Variants in CC2D1B observed in about 807,000 individuals in gnomAD.
CC2D1B encodes the protein coiled-coil and C2 domain containing 1B, also known as coiled-coil and C2 domain-containing protein 1B.
In CC2D1B, 92 loss-of-function variants were observed where a neutral mutation model predicts 110.8. The observed-to-expected ratio is 0.83, with a 90% CI of 0.70 to 0.99. CC2D1B has a LOEUF of 0.99. Ranked by LOEUF, CC2D1B falls within the 50% of genes least tolerant of loss-of-function variation. The pLI is 0.00. For synonymous variants in CC2D1B, 406 were observed against 429.2 expected, an observed-to-expected ratio of 0.95 and a Z score of 0.67; for missense variants, 1,136 against 1,089.0, an observed-to-expected ratio of 1.04 and a Z score of -0.61.
At position 52,354,908 on chromosome 1, in the gene CC2D1B, G is replaced by T. The variant is rs202237458; in HGVS notation, c.2271C>A (p.Asn757Lys). The change falls in exon 22 of 25, where the codon AAC (asparagine) becomes AAA (lysine). Residue 757 changes from asparagine (N) to lysine (K), a missense_variant. Transcript: ENST00000284376. ...EFDQLFKLNI[N>K]RNHRGFKRVI... ...CCCTCTTGAAGCCCCGGTGGTTTCGGTTGATGTTTAGTTTGAAGAGTTGAT... is the reference window on the plus strand; with the variant it reads ...CCCTCTTGAAGCCCCGGTGGTTTCGTTTGATGTTTAGTTTGAAGAGTTGAT... 8 of 1,614,188 alleles carry T rather than the reference G, an allele frequency of 5.0e-6. No homozygotes were observed. Among genetic ancestry groups the T allele is most frequent in the Non-Finnish European group, 5.9e-6 (7 of 1,180,020 alleles).
At chr1:52,362,481 G>C (rs1646801661) in intron 3 of CC2D1B, 121 bp downstream of exon 3, 1 of 1,201,524 alleles carries the variant, frequency 8.3e-7, no homozygotes, top group African/African-American at 1.5e-5. Context: ...GAGTGCGGCA[G>C]ATGGGTATTG....
rs772272284 is a variant in CC2D1B, at chr1:52,359,173, G to A, written c.1127-16C>T. On this transcript the variant is annotated splice_polypyrimidine_tract_variant and intron_variant, in intron 10 of 24. Transcript: ENST00000284376. ...GTAGGGGCCACTTGAAGGAAAGAAG[G>A]AAGAAGTGGGCATCAGGTCAGCCTG... 2.9e-5 allele frequency: 46 copies of A among 1,609,506 alleles called. No individual in the cohort carries two copies. Among genetic ancestry groups the A allele is most frequent in the Non-Finnish European group, 3.8e-5 (45 of 1,177,456 alleles).
chr1:52,357,919 G>T (rs745925399), intron 13 of CC2D1B, 21 bp from the exon 14 acceptor site: 6 of 1,535,052 alleles, frequency 3.9e-6, no homozygotes, highest in Non-Finnish European at 5.2e-6. Context: ...CCAGGAGGCT[G>T]TTAGGAGGGG....
In CC2D1B at chr1:52,355,835, T is replaced by C; in HGVS notation, c.2064A>G (p.Ser688=). Residue 688 remains serine, a synonymous_variant, in exon 19 of 25, where the codon TCA becomes TCG. Coordinates refer to ENST00000284376, the MANE Select transcript of CC2D1B (RefSeq NM_001330585.2). ...LKTFQTVRIF[S]ELNSTEMHLI... is the part of the protein sequence containing the mutation. ...GATGCATTTCTGTGCTGTTGAGTTC[T>C]GAGAAGATCCTAGAGCCAAGCGGGA... The C allele has an allele frequency of 6.2e-7, 1 of 1,614,132 alleles. No individual in the cohort carries two copies. Among genetic ancestry groups the C allele is most frequent in the Non-Finnish European group, 8.5e-7 (1 of 1,180,002 alleles).
Position 52,359,169 on chromosome 1 carries a change from G to C in CC2D1B, c.1127-12C>G, listed in dbSNP as rs78017731. ...CTCTGTAGGGGCCACTTGAAGGAAA[G>C]AAGGAAGAAGTGGGCATCAGGTCAG... On this transcript the variant is annotated splice_polypyrimidine_tract_variant and intron_variant, in intron 10 of 24. Transcript: ENST00000284376. 301 of 1,609,446 alleles carry C rather than the reference G, an allele frequency of 1.9e-4. 3 individuals are homozygous for C. In the East Asian group the frequency reaches 6.6e-3, roughly 36 times the overall value.
At chr1:52,359,603 C>A (rs928759562) in intron 8 of CC2D1B, 69 bp from the exon 9 acceptor site, 2 of 1,573,932 alleles carry the variant, frequency 1.3e-6, no homozygotes, top group African/African-American at 2.7e-5. Flanking sequence ...TGAAACAACC[C>A]CCACTTAGGC....
At chr1:52,356,073 C>G in intron 18 of CC2D1B, 113 bp downstream of exon 18, 1 of 1,025,386 alleles carries the variant, frequency 9.8e-7, no homozygotes, top group Non-Finnish European at 1.5e-6. Flanking sequence ...CCCCAGTGCC[C>G]ACAGCGGGGC....
At position 52,360,085 on chromosome 1, in the gene CC2D1B, G is replaced by T; in HGVS notation, c.752C>A (p.Ala251Asp). The change falls in exon 7 of 25, where the codon GCC becomes GAC. Residue 251 changes from alanine (A) to aspartate (D), a missense_variant. Ala to Asp is a moderately radical substitution (Grantham distance 126). Coordinates refer to ENST00000284376, the MANE Select transcript of CC2D1B (RefSeq NM_001330585.2). ...SPETDPPAPP[A>D]LESDNPSQPE... ...GCATCTGCAGATACCTGACTCCAAG[G>T]CAGGGGGAGCTGGAGGGTCTGTCTC... The T allele has an allele frequency of 6.3e-7, 1 of 1,582,258 alleles. No homozygotes were observed. The highest frequency in any genetic ancestry group is 1.2e-5 in the South Asian group (1 of 85,466).
At chr1:52,360,759 T>A (rs1184053937) in intron 5 of CC2D1B, 1 of 905,650 alleles carries the variant, frequency 1.1e-6, no homozygotes, top group Non-Finnish European at 1.6e-6. Context: ...GAAGCCAGGA[T>A]ATGGCTCCCG....
chr1:52,354,608 C>T lies in CC2D1B; in HGVS notation c.2430G>A (p.Glu810=). 6.2e-7 allele frequency: 1 copy of T among 1,614,152 alleles called. No homozygotes were observed. Among genetic ancestry groups the T allele is most frequent in the South Asian group, 1.1e-5 (1 of 91,086 alleles). ...ENECEIREIV[E]VLDGRKPTGG... ...GGCTTGCCCACACCCCAGCCCCTAC[C>T]TCCACAATTTCTCTGATCTCACACT... The change falls in exon 23 of 25, where the codon GAG becomes GAA. Residue 810 remains glutamate (E), a splice_region_variant and synonymous_variant. Transcript: ENST00000284376.
rs1646558567 is a variant in CC2D1B, at chr1:52,353,044, C to T, written c.*181G>A. 7 of 536,776 alleles carry T rather than the reference C, an allele frequency of 1.3e-5. No individual in the cohort carries two copies. The highest frequency in any genetic ancestry group is 8.8e-5 in the South Asian group (5 of 57,120). 33.3% of individuals were successfully genotyped at this position (536,776 alleles called of 1,614,324 possible). On this transcript the variant is annotated 3_prime_UTR_variant, in exon 25 of 25. Coordinates refer to ENST00000284376, the MANE Select transcript of CC2D1B (RefSeq NM_001330585.2). ...GGAACCCAGCCTGTTTCTGTAGAGC[C>T]CCAGAGGGGCCAACAACAGGAAAGA...
At chr1:52,364,115 A>G (rs1040703480) in intron 2 of CC2D1B, among the ~76,000 whole-genome samples, 2 of 152,190 alleles carry the variant, frequency 1.3e-5, no homozygotes, top group Non-Finnish European at 2.9e-5. Context: ...CTTTTTAAAG[A>G]CAGTAAAAAT....
rs377025356 is a variant in CC2D1B at position 52,357,488 on chromosome 1, G to A, written c.1752+38C>T. The A allele has an allele frequency of 5.3e-5, 82 of 1,541,584 alleles. No homozygotes were observed. In the African/African-American group the frequency reaches 8.3e-4, roughly 16 times the overall value. ...GTCAAGCCTGCCAGCCGCCACCTCC[G>A]CCTGAGAAGTCCTGGTGGTTAACCA... On this transcript the variant is annotated intron_variant, in intron 15 of 24. Transcript: ENST00000284376.
chr1:52,356,808 G>A (rs947224215), intron 16 of CC2D1B, 193 bp downstream of exon 16: 5 of 632,128 alleles, frequency 7.9e-6, no homozygotes, highest in Non-Finnish European at 1.1e-5. Flanking sequence ...CACCCTGAAA[G>A]GGGTATTATC....
Position 52,353,178 on chromosome 1 carries a change from T to A in CC2D1B, c.*47A>T, listed in dbSNP as rs1166792996. On this transcript the variant is annotated 3_prime_UTR_variant, in exon 25 of 25. Coordinates refer to ENST00000284376, the MANE Select transcript of CC2D1B (RefSeq NM_001330585.2). ...AGCCAGCAAAGCTGGGAAAGTCATC[T>A]CCTGCACAGTCGCGGCCTGACTCCT... 6.0e-6 allele frequency: 8 copies of A among 1,322,590 alleles called. No individual in the cohort carries two copies. The highest frequency in any genetic ancestry group is 4.5e-5 in the Admixed American group (2 of 44,042). 81.9% of individuals were successfully genotyped at this position (1,322,590 alleles called of 1,614,324 possible).
Position 52,357,098 on chromosome 1 carries a change from C to T in CC2D1B, c.1781G>A (p.Gly594Asp), listed in dbSNP as rs145404089. The change falls in exon 16 of 25, where the codon GGT becomes GAT. Residue 594 changes from glycine (G) to aspartate (D), a missense_variant. Coordinates refer to ENST00000284376, the MANE Select transcript of CC2D1B (RefSeq NM_001330585.2). The part of the protein sequence containing the change: ...KVPSPLTDEE[G>D]DFILIHHEDL... ...CTCATGGTGGATGAGGATGAAGTCA[C>T]CCTCCTCATCCGTCAAGGGCGAAGG... 1.1e-5 allele frequency: 17 copies of T among 1,613,424 alleles called. No individual in the cohort carries two copies. Among genetic ancestry groups the T allele is most frequent in the African/African-American group, 1.3e-5 (1 of 74,898 alleles).
chr1:52,360,425 T>G lies in CC2D1B; in HGVS notation c.602A>C (p.Lys201Thr), dbSNP rs1266207747. 6.2e-7 allele frequency: 1 copy of G among 1,613,372 alleles called. No individual in the cohort carries two copies. The highest frequency in any genetic ancestry group is 8.5e-7 in the Non-Finnish European group (1 of 1,179,848). ...TGCTCCCAGCCTAGCCCGACTCACC[T>G]TCAGGCCGCGCTCGCAGCGCCTGGC... ...AKARRCERGL[K>T]TLESQLASVR... is the part of the protein sequence containing the mutation. The change falls in exon 6 of 25, where the codon AAG becomes ACG. Residue 201 changes from lysine (K) to threonine (T), a missense_variant and splice_region_variant. Lys to Thr is a moderately conservative substitution (Grantham distance 78). Transcript: ENST00000284376.
Position 52,361,632 on chromosome 1 carries a change from CACA to C in CC2D1B, c.215-19_215-17del, listed in dbSNP as rs777811505. On this transcript the variant is annotated splice_polypyrimidine_tract_variant and intron_variant, in intron 3 of 24. Transcript: ENST00000284376. ...GGCAGGGGGGCTGGGGGAAAAAGGT[CACA>C]ACAAGTCAGCACAACTCAGATAAGT... 21 of 1,613,516 alleles carry C rather than the reference CACA, an allele frequency of 1.3e-5. No homozygotes were observed. In the East Asian group the frequency reaches 1.8e-4, roughly 14 times the overall value.
At chr1:52,364,520 G>A (rs762329119) in intron 2 of CC2D1B, 32 bp downstream of exon 2, 14 of 1,518,844 alleles carry the variant, frequency 9.2e-6, no homozygotes, top group Middle Eastern at 1.7e-4. Flanking sequence ...TCCCCAAACC[G>A]ACCCAGTAGC....
Sources: gnomAD v4.1 joint callset for allele counts (sites outside exome capture counted in the v4.1 genomes callset) on GRCh38, gnomAD v4.1.1 for gene constraint, MANE v1.5 for transcripts, NCBI Gene and HGNC (gene_info 2026-07-23, HGNC 2026-07-21) for gene names.